The following NCKAP5 variants were observed in gnomAD, a reference collection of about 807,000 sequenced individuals.
NCKAP5 encodes nck-associated protein 5.
A neutral mutation model predicts 167.0 loss-of-function variants in NCKAP5; 92 were observed. That is an observed-to-expected ratio of 0.55 (90% CI 0.47 to 0.66). The LOEUF (loss-of-function observed/expected upper bound fraction) is 0.66. Ranked by LOEUF, NCKAP5 falls within the 30% of genes least tolerant of loss-of-function variation. The pLI is 0.00. For synonymous variants in NCKAP5, 891 were observed against 877.4 expected, an observed-to-expected ratio of 1.02 and a Z score of -0.27; for missense variants, 2,378 against 2,315.0, an observed-to-expected ratio of 1.03 and a Z score of -0.56.
At chr2:133,540,077 A>C (rs1233739294) in intron 2 of NCKAP5, among the ~76,000 whole-genome samples, 2 of 152,138 alleles carry the variant, frequency 1.3e-5, no homozygotes. Flanking sequence ...GCTACTCAGG[A>C]GGCTGCGGTA....
chr2:133,665,026 G>A, the NCKAP5 span, among the ~76,000 whole-genome samples: 1 of 152,180 alleles, frequency 6.6e-6, no homozygotes, highest in Non-Finnish European at 1.5e-5. Context: ...GAGAATTAAA[G>A]TCTTGTTCTA....
the NCKAP5 span, among the ~76,000 whole-genome samples, chr2:133,626,597 T>C: frequency 4.1e-3 from 631 of 152,212 alleles, 4 homozygotes; most frequent in Admixed American, 7.3e-3. Context: ...GCAAAAATTT[T>C]ATATTATAAA....
chr2:133,527,366 T>A (rs1685008036), intron 2 of NCKAP5, among the ~76,000 whole-genome samples: 1 of 152,270 alleles, frequency 6.6e-6, no homozygotes, highest in East Asian at 1.9e-4. Context: ...GTACAATAAA[T>A]TGGAAGCCAG....
At chr2:133,069,727 C>T (rs1239290831) in intron 6 of NCKAP5, among the ~76,000 whole-genome samples, 1 of 151,966 alleles carries the variant, frequency 6.6e-6, no homozygotes, top group Non-Finnish European at 1.5e-5. Context: ...GTTGTTTGAA[C>T]ACGACTGCAT....
chr2:133,628,355 A>G, the NCKAP5 span, among the ~76,000 whole-genome samples: 23 of 152,184 alleles, frequency 1.5e-4, no homozygotes, highest in Non-Finnish European at 2.6e-4. Flanking sequence ...AACAGCAGTC[A>G]AGCAGAAAGC....
chr2:132,970,702 T>C (rs1369060934), intron 7 of NCKAP5, among the ~76,000 whole-genome samples: 1 of 152,214 alleles, frequency 6.6e-6, no homozygotes, highest in Admixed American at 6.5e-5. Context: ...GGGTAATGAT[T>C]CACCTTTGGC....
the NCKAP5 span, among the ~76,000 whole-genome samples, chr2:133,607,327 G>A: frequency 3.3e-5 from 5 of 152,172 alleles, no homozygotes; most frequent in Non-Finnish European, 7.3e-5. Flanking sequence ...TCAGACATGG[G>A]AGCTCCCCAC....
In NCKAP5 at chr2:133,517,499, T is replaced by C. The variant is rs1323991514; in HGVS notation, c.28A>G (p.Arg10Gly). 6.5e-7 allele frequency: 1 copy of C among 1,538,540 alleles called. No homozygotes were observed. Among genetic ancestry groups the C allele is most frequent in the African/African-American group, 1.4e-5 (1 of 72,976 alleles). MEGKRQLEKRDFGKRLSLDS... is the reference protein window; with the variant it reads MEGKRQLEKGDFGKRLSLDS... ...AGAGACAGCCTTTTTCCAAAGTCCC[T>C]TTTCTCAAGCTGTCTCTTTCCCTCC... The change falls in exon 3 of 20, where the codon AGG becomes GGG. Residue 10 changes from arginine to glycine, a missense_variant. Arg to Gly is a moderately radical substitution (Grantham distance 125, BLOSUM62 -2). Around this residue, in one of 3 missense-constraint regions of NCKAP5, gnomAD observed 1,049 missense variants for 1,023.4 expected, o/e 1.02. Transcript: ENST00000409261.
chr2:133,366,015 C>T (rs1685435334), intron 3 of NCKAP5, among the ~76,000 whole-genome samples: 1 of 152,090 alleles, frequency 6.6e-6, no homozygotes, highest in South Asian at 2.1e-4. Context: ...GTTACAGACA[C>T]TTTTGTAAAA....
chr2:132,944,471 T>C (rs111635886), intron 8 of NCKAP5, among the ~76,000 whole-genome samples: 3,365 of 152,302 alleles, frequency 0.022, 113 homozygotes, highest in African/African-American at 0.062. Flanking sequence ...GTTAGGTACA[T>C]TACCATACTG....
At chr2:133,247,736 A>T (rs2088074570) in intron 4 of NCKAP5, among the ~76,000 whole-genome samples, 2 of 152,194 alleles carry the variant, frequency 1.3e-5, no homozygotes, top group Non-Finnish European at 2.9e-5. Flanking sequence ...AAATCTCTCA[A>T]GTGTACACTC....
intron 2 of NCKAP5, among the ~76,000 whole-genome samples, chr2:133,542,457 G>T (rs182179557): frequency 2.6e-5 from 4 of 152,222 alleles, no homozygotes; most frequent in African/African-American, 9.6e-5. Flanking sequence ...TCAGGTAAAC[G>T]GGGAGAGATT....
intron 3 of NCKAP5, among the ~76,000 whole-genome samples, chr2:133,426,845 T>C (rs1689840488): frequency 6.6e-6 from 1 of 152,230 alleles, no homozygotes; most frequent in Non-Finnish European, 1.5e-5. Flanking sequence ...CCATTTTTTT[T>C]CTGTAAATCT....
In NCKAP5 at chr2:132,860,589, T is replaced by C. The variant is rs1454409696; in HGVS notation, c.710A>G (p.Lys237Arg). The C allele has an allele frequency of 3.8e-6, 6 of 1,578,010 alleles. No individual in the cohort carries two copies. The African/African-American group carries it at 4.0e-5, about 11-fold the overall frequency. ...CAAATCAAACACTCTTGTTTTCAACTTCACACATTCCTCTCTTAGATCCTA... is the reference window on the plus strand; with the variant it reads ...CAAATCAAACACTCTTGTTTTCAACCTCACACATTCCTCTCTTAGATCCTA... ...TQKDLREECV[K>R]LKTRVFDLEQ... The change falls in exon 11 of 20, where the codon AAG becomes AGG. Residue 237 changes from lysine (K) to arginine (R), a missense_variant. Lys to Arg is a conservative substitution (Grantham distance 26). Transcript: ENST00000409261.
At chr2:132,692,566 A>G (rs900549226) in intron 19 of NCKAP5, among the ~76,000 whole-genome samples, 4 of 152,040 alleles carry the variant, frequency 2.6e-5, no homozygotes, top group African/African-American at 9.7e-5. Context: ...CAATACCTAC[A>G]ATGTTGCCTA....
intron 7 of NCKAP5, among the ~76,000 whole-genome samples, chr2:132,967,029 A>C (rs1397695125): frequency 6.6e-6 from 1 of 152,174 alleles, no homozygotes; most frequent in East Asian, 1.9e-4. Context: ...CTAATTTTTC[A>C]CCATTCCATG....
intron 6 of NCKAP5, among the ~76,000 whole-genome samples, chr2:132,998,409 G>C (rs2077671646): frequency 6.6e-6 from 1 of 152,100 alleles, no homozygotes; most frequent in Admixed American, 6.6e-5. Flanking sequence ...ACACTCTTCT[G>C]GCACTACTTT....
chr2:132,700,939 G>T (rs974250604), intron 19 of NCKAP5, among the ~76,000 whole-genome samples: 3 of 141,330 alleles, frequency 2.1e-5, no homozygotes, highest in Admixed American at 7.2e-5. Flanking sequence ...GCGGGGGGGG[G>T]GGCTTTTAAG....
intron 8 of NCKAP5, among the ~76,000 whole-genome samples, chr2:132,952,580 C>A (rs2076220760): frequency 1.3e-5 from 2 of 152,132 alleles, no homozygotes; most frequent in South Asian, 4.1e-4. Context: ...AAAAGGGCTG[C>A]TGTAAAACAG....
Sources: gnomAD v4.1 joint callset for allele counts (sites outside exome capture counted in the v4.1 genomes callset) on GRCh38, gnomAD v4.1.1 for gene constraint, gnomAD v4.1.1 regional missense constraint, MANE v1.5 for transcripts, NCBI Gene and HGNC (gene_info 2026-07-23, HGNC 2026-07-21) for gene names.